ZC3HAV1L: variants seen among roughly 807,000 people sequenced by gnomAD.
ZC3HAV1L encodes the protein ZC3HAV1 like, also known as zinc finger CCCH-type antiviral protein 1-like.
ZC3HAV1L carries 23 observed loss-of-function variants against 28.2 expected under a neutral mutation model. The observed-to-expected ratio is 0.82, with a 90% confidence interval of 0.59 to 1.16. The LOEUF (loss-of-function observed/expected upper bound fraction) is 1.16. Among genes scored for constraint, ZC3HAV1L ranks in the 50% most tolerant of loss-of-function variants. ZC3HAV1L has a pLI of 0.00. For synonymous variants in ZC3HAV1L, 180 were observed against 163.4 expected, an observed-to-expected ratio of 1.10 and a Z score of -0.78; for missense variants, 376 against 387.7, an observed-to-expected ratio of 0.97 and a Z score of 0.25.
intron 2 of ZC3HAV1L, among the ~76,000 whole-genome samples, chr7:139,029,225 A>T (rs1815452665): frequency 6.6e-6 from 1 of 151,654 alleles, no homozygotes; most frequent in African/African-American, 2.4e-5. Flanking sequence ...CTGGTCTCCA[A>T]CTCCTCACCT....
chr7:139,028,381 A>G (rs1449589369), intron 3 of ZC3HAV1L, among the ~76,000 whole-genome samples: 2 of 151,028 alleles, frequency 1.3e-5, no homozygotes, highest in Non-Finnish European at 3.0e-5. Flanking sequence ...TCAAAAAAAA[A>G]AACAAAAACA....
In ZC3HAV1L at chr7:139,026,950, G is replaced by A. The variant is rs931043561; in HGVS notation, c.761-117C>T. 5 of 1,163,996 alleles carry A rather than the reference G, an allele frequency of 4.3e-6. No homozygotes were observed. The African/African-American group carries it at 6.2e-5, about 14-fold the overall frequency. The allele number at this position is 1,163,996 out of a possible 1,614,324, so 72.1% of individuals were successfully genotyped here. A position where few individuals can be genotyped will look rare whatever the true frequency, so the allele number is the denominator to read the frequency against. ...GACTCCCAACACATGGATTTGGAGA[G>A]TTCATGTCTTCTGGATTTTAAAAAA... On this transcript the variant is annotated intron_variant, in intron 3 of 4. Transcript: ENST00000275766.
chr7:139,024,141 C>T (rs539556887), downstream of ZC3HAV1L, among the ~76,000 whole-genome samples: 1 of 152,224 alleles, frequency 6.6e-6, no homozygotes, highest in South Asian at 2.1e-4. Flanking sequence ...CGATAAATTA[C>T]CAAAGAAAAC....
chr7:139,022,655 A>G (rs2130620760), downstream of ZC3HAV1L, among the ~76,000 whole-genome samples: 1 of 152,350 alleles, frequency 6.6e-6, no homozygotes, highest in Non-Finnish European at 1.5e-5. Context: ...TGTCTTCACT[A>G]CCAAGTGTTA....
At chr7:139,033,886 T>C (rs1013985809) in intron 2 of ZC3HAV1L, 2 of 985,310 alleles carry the variant, frequency 2.0e-6, no homozygotes, top group Non-Finnish European at 2.4e-6. Flanking sequence ...AGCTACTGCT[T>C]GCATCTACTT....
chr7:139,027,955 T>C (rs1815403452), intron 3 of ZC3HAV1L, among the ~76,000 whole-genome samples: 1 of 152,188 alleles, frequency 6.6e-6, no homozygotes, highest in African/African-American at 2.4e-5. Context: ...TGTAATGTCA[T>C]TAAAATTACT....
chr7:139,022,940 C>T (rs756691759), downstream of ZC3HAV1L, among the ~76,000 whole-genome samples: 3 of 152,020 alleles, frequency 2.0e-5, no homozygotes, highest in African/African-American at 7.2e-5. Flanking sequence ...TTTGGGAGGG[C>T]GAGGTGGGTG....
chr7:139,031,917 C>CA (rs1320091814), intron 2 of ZC3HAV1L, among the ~76,000 whole-genome samples: 3 of 151,408 alleles, frequency 2.0e-5, no homozygotes, highest in Non-Finnish European at 4.4e-5. Context: ...AAAAACAAAA[C>CA]AAAAAAAAGT....
chr7:139,035,275 CAGGGAT>C, intron 1 of ZC3HAV1L: 1 of 985,418 alleles, frequency 1.0e-6, no homozygotes, highest in Non-Finnish European at 1.2e-6. Context: ...CTAAAGGGTC[CAGGGAT>C]CTCATGGGAT....
At chr7:139,028,655 C>G (rs373730571) in intron 3 of ZC3HAV1L, 47 bp downstream of exon 3, 6 of 1,586,122 alleles carry the variant, frequency 3.8e-6, no homozygotes, top group Non-Finnish European at 5.2e-6. Context: ...TGAAGCATCG[C>G]AAAACCATAT....
chr7:139,035,015 C>T, intron 1 of ZC3HAV1L: 1 of 985,432 alleles, frequency 1.0e-6, no homozygotes, highest in Non-Finnish European at 1.2e-6. Flanking sequence ...AAGAAAGCGC[C>T]CCTATCCCCA....
intron 3 of ZC3HAV1L, among the ~76,000 whole-genome samples, chr7:139,027,773 T>A (rs1233055284): frequency 6.6e-6 from 1 of 152,230 alleles, no homozygotes; most frequent in Non-Finnish European, 1.5e-5. Flanking sequence ...TGATGTTGTA[T>A]AAAGTAGAAA....
In ZC3HAV1L at chr7:139,030,262, C is replaced by T. The variant is rs573097773; in HGVS notation, c.502-1302G>A. Among the ~76,000 whole-genome samples, 161 of 151,766 alleles carry T rather than the reference C, an allele frequency of 1.1e-3. 1 individual carries two copies. Among genetic ancestry groups the T allele is most frequent in the African/African-American group, 3.4e-3 (139 of 41,368 alleles). ...GGAGTTCATAACAGCCTGGCCAACA[C>T]GGTGAAACCCTGACTCTATTAAAAA... On this transcript the variant is annotated intron_variant, in intron 2 of 4. Coordinates refer to ENST00000275766, the MANE Select transcript of ZC3HAV1L (RefSeq NM_080660.4).
chr7:139,026,967 T>C, intron 3 of ZC3HAV1L, 134 bp from the exon 4 acceptor site: 1 of 1,041,048 alleles, frequency 9.6e-7, no homozygotes, highest in South Asian at 1.8e-5. Context: ...TCTTCTGGAT[T>C]TTAAAAAATT....
intron 1 of ZC3HAV1L, 144 bp downstream of exon 1, chr7:139,035,509 A>T (rs1349264251): frequency 7.7e-7 from 1 of 1,306,730 alleles, no homozygotes; most frequent in Non-Finnish European, 9.7e-7. Context: ...GACGCCCAGG[A>T]AAGGCCTGCG....
chr7:139,033,702 AC>A (rs1815605953), intron 2 of ZC3HAV1L: 8 of 984,710 alleles, frequency 8.1e-6, no homozygotes, highest in African/African-American at 5.2e-5. Flanking sequence ...TACCAAAAAA[AC>A]ATTCGATAGA....
intron 2 of ZC3HAV1L, among the ~76,000 whole-genome samples, chr7:139,031,339 C>T (rs1698135580): frequency 6.6e-6 from 1 of 152,164 alleles, no homozygotes; most frequent in Non-Finnish European, 1.5e-5. Flanking sequence ...AATCCTAACA[C>T]TGTGGGAGGC....
At chr7:139,028,083 CTG>C (rs2130627556) in intron 3 of ZC3HAV1L, among the ~76,000 whole-genome samples, 1 of 152,216 alleles carries the variant, frequency 6.6e-6, no homozygotes, top group African/African-American at 2.4e-5. Flanking sequence ...GCCATTAAAA[CTG>C]TTCTACTAGG....
intron 1 of ZC3HAV1L, chr7:139,035,396 G>C (rs990537291): frequency 9.1e-6 from 9 of 985,124 alleles, no homozygotes; most frequent in African/African-American, 1.7e-5. Context: ...CAGGATCCGG[G>C]GGGGCGGGCG....
Sources: gnomAD v4.1 joint callset for allele counts (sites outside exome capture counted in the v4.1 genomes callset) on GRCh38, gnomAD v4.1.1 for gene constraint, MANE v1.5 for transcripts, NCBI Gene and HGNC (gene_info 2026-07-23, HGNC 2026-07-21) for gene names.